Variants in CPED1 observed in about 807,000 individuals in gnomAD.
CPED1 encodes cadherin like and PC-esterase domain containing 1, also known as cadherin-like and PC-esterase domain-containing protein 1.
CPED1 carries 114 observed loss-of-function variants against 128.2 expected under a neutral mutation model. The ratio of observed to expected loss-of-function variants is 0.89; its 90% CI spans 0.76 to 1.04. The LOEUF (loss-of-function observed/expected upper bound fraction) is 1.04, where lower values mean the gene tolerates loss of function less well. CPED1 is among the 50% of genes least tolerant of loss of function. CPED1 has a pLI of 0.00. For missense variants in CPED1, 1,211 were observed against 1,207.1 expected (o/e 1.00, Z -0.05); for synonymous variants, 462 against 426.7 (o/e 1.08, Z -1.02).
intron 4 of CPED1, 87 bp from the exon 5 acceptor site, chr7:121,064,151 A>G (rs2116052967): frequency 2.3e-6 from 2 of 870,580 alleles, no homozygotes; most frequent in Non-Finnish European, 3.9e-6. Flanking sequence ...CATCCCATCT[A>G]TACTCTCTGG....
At chr7:121,042,067 T>C (rs937040455) in intron 3 of CPED1, among the ~76,000 whole-genome samples, 1 of 151,872 alleles carries the variant, frequency 6.6e-6, no homozygotes, top group African/African-American at 2.4e-5. Context: ...TTTAAGACCT[T>C]GGTAAGCCTG....
intron 2 of CPED1, among the ~76,000 whole-genome samples, chr7:120,991,562 C>T (rs1796309275): frequency 6.6e-6 from 1 of 152,142 alleles, no homozygotes. Context: ...AGGTTTTATT[C>T]ATGAACTTAC....
At chr7:121,158,898 T>C (rs1796350753) in intron 16 of CPED1, among the ~76,000 whole-genome samples, 1 of 152,184 alleles carries the variant, frequency 6.6e-6, no homozygotes, top group African/African-American at 2.4e-5. Flanking sequence ...TAAAATAATG[T>C]TTTTCATGTT....
intron 14 of CPED1, 35 bp downstream of exon 14, chr7:121,136,125 A>G (rs758724166): frequency 1.3e-6 from 2 of 1,536,710 alleles, no homozygotes; most frequent in Non-Finnish European, 1.7e-6. Flanking sequence ...GCAGCATAAT[A>G]AACAATTAGG....
intron 5 of CPED1, among the ~76,000 whole-genome samples, chr7:121,093,380 A>G (rs1386609957): frequency 2.3e-5 from 3 of 129,374 alleles, no homozygotes; most frequent in African/African-American, 5.6e-5. Context: ...CAAAGCTAAT[A>G]TTGCTCCCTT....
chr7:121,265,118 G>A (rs570355722), intron 18 of CPED1, among the ~76,000 whole-genome samples: 5 of 152,136 alleles, frequency 3.3e-5, no homozygotes, highest in East Asian at 1.9e-4. Flanking sequence ...GGTTGCAGAG[G>A]AAGAACTTTC....
chr7:121,116,552 A>G (rs1221377864), intron 7 of CPED1, among the ~76,000 whole-genome samples: 1 of 152,182 alleles, frequency 6.6e-6, no homozygotes, highest in East Asian at 1.9e-4. Context: ...GTGTGGGTGT[A>G]AAGGCATGTG....
intron 5 of CPED1, among the ~76,000 whole-genome samples, chr7:121,070,702 G>A (rs1226521099): frequency 6.6e-6 from 1 of 152,008 alleles, no homozygotes; most frequent in Admixed American, 6.6e-5. Context: ...AAAACTTACC[G>A]AATTCATCCA....
chr7:121,125,617 A>G (rs931124579), intron 8 of CPED1, among the ~76,000 whole-genome samples: 2 of 152,110 alleles, frequency 1.3e-5, no homozygotes, highest in African/African-American at 4.8e-5. Context: ...AGCTTCATCT[A>G]TGTCCCTGCA....
intron 17 of CPED1, among the ~76,000 whole-genome samples, chr7:121,238,714 T>C (rs117059758): frequency 6.6e-6 from 1 of 150,494 alleles, no homozygotes; most frequent in East Asian, 1.9e-4. Context: ...TTTCTTTTTA[T>C]GTTTTATAAT....
intron 9 of CPED1, among the ~76,000 whole-genome samples, chr7:121,126,465 G>A (rs879306305): frequency 2.6e-5 from 4 of 151,488 alleles, no homozygotes; most frequent in Non-Finnish European, 4.4e-5. Context: ...AGCCCTTAGA[G>A]GCAAAAACAT....
chr7:121,199,690 A>AGAG (rs1361108033), intron 16 of CPED1, among the ~76,000 whole-genome samples: 44 of 98,818 alleles, frequency 4.5e-4, no homozygotes, highest in African/African-American at 1.4e-3. Flanking sequence ...AAAAAAAAAA[A>AGAG]AAAAAAAAAA....
intron 16 of CPED1, among the ~76,000 whole-genome samples, chr7:121,213,149 A>C (rs1797684325): frequency 7.0e-6 from 1 of 143,200 alleles, no homozygotes. Flanking sequence ...TTTCACAAAC[A>C]CAACCTTTGT....
chr7:121,191,565 G>A (rs980979815), intron 16 of CPED1, among the ~76,000 whole-genome samples: 3 of 152,034 alleles, frequency 2.0e-5, no homozygotes, highest in Non-Finnish European at 4.4e-5. Flanking sequence ...ATCCTTCTGG[G>A]GTGGTGGAAT....
chr7:121,208,161 G>A (rs1563065836), intron 16 of CPED1, among the ~76,000 whole-genome samples: 1 of 151,668 alleles, frequency 6.6e-6, no homozygotes, highest in Non-Finnish European at 1.5e-5. Flanking sequence ...ACATTATCAG[G>A]ATAAAAAATA....
At chr7:121,293,721 C>G (rs1159070168) in intron 22 of CPED1, among the ~76,000 whole-genome samples, 1 of 152,076 alleles carries the variant, frequency 6.6e-6, no homozygotes, top group East Asian at 1.9e-4. Context: ...CACCATCCCT[C>G]ATGGCACAGT....
chr7:121,161,393 T>C (rs1584558818), intron 16 of CPED1, among the ~76,000 whole-genome samples: 2 of 152,220 alleles, frequency 1.3e-5, no homozygotes, highest in South Asian at 4.2e-4. Flanking sequence ...TGCCACCTGG[T>C]CCTTTTCATC....
intron 18 of CPED1, among the ~76,000 whole-genome samples, chr7:121,251,220 G>A (rs1798664819): frequency 6.6e-6 from 1 of 152,134 alleles, no homozygotes; most frequent in Non-Finnish European, 1.5e-5. Context: ...AAAACCACAT[G>A]ATTATCTCAA....
chr7:121,014,564 ATAAT>A (rs1562992375), intron 2 of CPED1, among the ~76,000 whole-genome samples: 26 of 122,674 alleles, frequency 2.1e-4, no homozygotes, highest in East Asian at 4.9e-4. Context: ...AAAAAAAATA[ATAAT>A]AATAATAATA....
Sources: gnomAD v4.1 joint callset for allele counts (sites outside exome capture counted in the v4.1 genomes callset) on GRCh38, gnomAD v4.1.1 for gene constraint, MANE v1.5 for transcripts, NCBI Gene and HGNC (gene_info 2026-07-23, HGNC 2026-07-21) for gene names.